The following SH3BGR variants were observed in gnomAD, a reference collection of about 807,000 sequenced individuals.
The protein encoded by SH3BGR is SH3 domain binding glutamate rich protein.
Under a neutral mutation model 24.5 loss-of-function variants are expected in SH3BGR, and 29 were observed. The observed-to-expected ratio is 1.18, with a 90% confidence interval of 0.88 to 1.61. SH3BGR has a LOEUF of 1.61. SH3BGR is among the 40% of genes most tolerant of loss of function. The pLI, the probability that SH3BGR is intolerant of heterozygous loss-of-function variation, is 0.00. For missense variants in SH3BGR, 162 were observed against 205.8 expected, an observed-to-expected ratio of 0.79 and a Z score of 1.30; for synonymous variants, 55 against 65.7, an observed-to-expected ratio of 0.84 and a Z score of 0.79.
intron 1 of SH3BGR, among the ~76,000 whole-genome samples, chr21:39,458,292 G>A (rs1215966899): frequency 6.6e-6 from 1 of 151,900 alleles, no homozygotes; most frequent in Non-Finnish European, 1.5e-5. Flanking sequence ...ATTAGATACT[G>A]TCATGTCAAA....
intron 4 of SH3BGR, among the ~76,000 whole-genome samples, chr21:39,504,573 GT>G (rs1195677099): frequency 6.6e-6 from 1 of 152,132 alleles, no homozygotes; most frequent in Non-Finnish European, 1.5e-5. Flanking sequence ...CACTTCTGAG[GT>G]TTCTCTCTTC....
chr21:39,446,516 C>G (rs1004935050), intron 1 of SH3BGR, among the ~76,000 whole-genome samples: 1 of 152,196 alleles, frequency 6.6e-6, no homozygotes, highest in Non-Finnish European at 1.5e-5. Context: ...TAGAGGGAAA[C>G]TGCCTTCCAG....
At chr21:39,502,300 A>T (rs1325427000) in intron 4 of SH3BGR, among the ~76,000 whole-genome samples, 1 of 152,216 alleles carries the variant, frequency 6.6e-6, no homozygotes, top group African/African-American at 2.4e-5. Flanking sequence ...TGTGTTTTGA[A>T]CATTGATTTT....
Position 39,499,914 on chromosome 21 carries a change from A to T in SH3BGR, c.404A>T (p.Asn135Ile), listed in dbSNP as rs765466073. ...VGNLPEAQEK[N>I]EEEGETATEE... Reference sequence around the variant, plus strand: ...AACCTCCCTGAAGCCCAGGAGAAGAATGTGAGTTTTCGCTTTTTCACAGCA... The same window carrying T: ...AACCTCCCTGAAGCCCAGGAGAAGATTGTGAGTTTTCGCTTTTTCACAGCA... Residue 135 changes from asparagine to isoleucine, a missense_variant and splice_region_variant, in exon 4 of 7, where the codon AAT (asparagine) becomes ATT (isoleucine). By Grantham distance (149) the Asn-to-Ile change is moderately radical. Transcript: ENST00000333634. 3 of 1,610,326 alleles carry T rather than the reference A, an allele frequency of 1.9e-6. No homozygotes were observed. The highest frequency in any genetic ancestry group is 2.7e-5 in the African/African-American group (2 of 74,842).
At chr21:39,489,127 A>G (rs2078257834) in intron 3 of SH3BGR, among the ~76,000 whole-genome samples, 1 of 152,244 alleles carries the variant, frequency 6.6e-6, no homozygotes, top group South Asian at 2.1e-4. Flanking sequence ...TGCAAGTCAG[A>G]TGCTAGAGAC....
At chr21:39,491,596 G>A (rs1388603237) in intron 3 of SH3BGR, 4 of 239,858 alleles carry the variant, frequency 1.7e-5, no homozygotes, top group Middle Eastern at 2.0e-3. Context: ...TCTAAGTAGG[G>A]GTGGAGGTGT....
At chr21:39,478,724 G>A (rs1448159385) in intron 3 of SH3BGR, among the ~76,000 whole-genome samples, 1 of 151,596 alleles carries the variant, frequency 6.6e-6, no homozygotes. Flanking sequence ...CCATATTTTT[G>A]TATTTTTCTG....
Position 39,452,082 on chromosome 21 carries a change from T to C in SH3BGR, c.-15T>C. 5 of 1,614,162 alleles carry C rather than the reference T, an allele frequency of 3.1e-6. No homozygotes were observed. Among genetic ancestry groups the C allele is most frequent in the Non-Finnish European group, 4.2e-6 (5 of 1,179,996 alleles). ...CAGGGGTGTGTTGGGGGGAGTCCTC[T>C]TTCCAACTGTCGAAATGGTTATCAA... On this transcript the variant is annotated 5_prime_UTR_variant, in exon 1 of 7. Transcript: ENST00000333634.
At chr21:39,489,973 C>A (rs1180064703) in intron 3 of SH3BGR, among the ~76,000 whole-genome samples, 4 of 151,996 alleles carry the variant, frequency 2.6e-5, no homozygotes, top group African/African-American at 9.7e-5. Context: ...AGGAAAATAT[C>A]CATTACAAGG....
chr21:39,474,668 A>G (rs1348004401), intron 2 of SH3BGR, among the ~76,000 whole-genome samples: 2 of 151,940 alleles, frequency 1.3e-5, no homozygotes, highest in Admixed American at 6.6e-5. Context: ...TATGTCCCCC[A>G]TGGTCTTGTG....
intron 1 of SH3BGR, among the ~76,000 whole-genome samples, chr21:39,458,151 C>G (rs946726326): frequency 1.3e-5 from 2 of 152,080 alleles, no homozygotes; most frequent in Non-Finnish European, 2.9e-5. Flanking sequence ...TTGAAACCCT[C>G]AAAGTGTAGT....
At position 39,496,849 on chromosome 21, in the gene SH3BGR, A is replaced by G. The variant is rs117004476; in HGVS notation, c.313-2974A>G. 2.0e-3 allele frequency among the ~76,000 whole-genome samples: 302 copies of G among 152,274 alleles called. 1 individual carries two copies. Among genetic ancestry groups the G allele is most frequent in the Non-Finnish European group, 3.3e-3 (224 of 68,012 alleles). ...ACAAATACTGAAGAAATAAACCTGCAGTGTTCCTGGATGGAATGATTTAAC... is the reference window on the plus strand; with the variant it reads ...ACAAATACTGAAGAAATAAACCTGCGGTGTTCCTGGATGGAATGATTTAAC... On this transcript the variant is annotated intron_variant, in intron 3 of 6. Transcript: ENST00000333634.
chr21:39,511,629 A>G lies in SH3BGR; in HGVS notation c.436-51A>G. 1 of 1,584,026 alleles carries G rather than the reference A, an allele frequency of 6.3e-7. No individual in the cohort carries two copies. The highest frequency in any genetic ancestry group is 8.6e-7 in the Non-Finnish European group (1 of 1,165,522). On this transcript the variant is annotated intron_variant, in intron 5 of 6. Transcript: ENST00000333634. This position sits in a 1 kb window ranked among gnomAD's most constrained non-coding sequence, Gnocchi z 4.2. ...CATTTTACAGTCTTTTTCTCACTGT[A>G]TCCTTGGCCCTTATGCTTCTTAATA...
intron 2 of SH3BGR, among the ~76,000 whole-genome samples, chr21:39,466,915 T>C (rs899195962): frequency 9.2e-5 from 14 of 151,890 alleles, no homozygotes; most frequent in African/African-American, 3.1e-4. Flanking sequence ...TTTTTTGCAA[T>C]GCAGAACTTA....
intron 2 of SH3BGR, among the ~76,000 whole-genome samples, chr21:39,468,614 T>C (rs894639074): frequency 5.9e-5 from 9 of 152,182 alleles, no homozygotes; most frequent in African/African-American, 2.2e-4. Flanking sequence ...AAATTTTGTA[T>C]TTTTTGTAGA....
At chr21:39,486,672 C>T (rs959748525) in intron 3 of SH3BGR, among the ~76,000 whole-genome samples, 2 of 152,186 alleles carry the variant, frequency 1.3e-5, no homozygotes, top group Non-Finnish European at 2.9e-5. Flanking sequence ...ACTTAAGCAC[C>T]TGTTGTCTGA....
At chr21:39,462,191 G>A (rs2077766282) in intron 1 of SH3BGR, among the ~76,000 whole-genome samples, 184 bp from the exon 2 acceptor site, 2 of 152,106 alleles carry the variant, frequency 1.3e-5, no homozygotes, top group African/African-American at 4.8e-5. Context: ...TAAAATTTCA[G>A]AATTTAAATA....
chr21:39,504,883 G>T (rs1410605826), intron 4 of SH3BGR, among the ~76,000 whole-genome samples: 2 of 152,000 alleles, frequency 1.3e-5, no homozygotes, highest in Non-Finnish European at 2.9e-5. Context: ...ACCCAGGCTG[G>T]AGTGCATTGG....
At chr21:39,454,478 G>A (rs754001464) in intron 1 of SH3BGR, among the ~76,000 whole-genome samples, 3 of 152,188 alleles carry the variant, frequency 2.0e-5, no homozygotes, top group Admixed American at 6.5e-5. Context: ...CGTTCTGGAC[G>A]GATTTGGGTT....
Sources: gnomAD v4.1 joint callset for allele counts (sites outside exome capture counted in the v4.1 genomes callset) on GRCh38, gnomAD v4.1.1 for gene constraint, Gnocchi (gnomAD v3.1) non-coding constraint, MANE v1.5 for transcripts, NCBI Gene and HGNC (gene_info 2026-07-23, HGNC 2026-07-21) for gene names.